The following RC3H1 variants were observed in gnomAD, a reference collection of about 807,000 sequenced individuals.
RC3H1 encodes ring finger and CCCH-type domains 1, also known as roquin-1.
Under a neutral mutation model 138.2 loss-of-function variants are expected in RC3H1, and 50 were observed. The ratio of observed to expected loss-of-function variants is 0.36; its 90% CI spans 0.29 to 0.46. The LOEUF is 0.46. Among genes scored for constraint, RC3H1 ranks in the 20% least tolerant of loss-of-function variants. The probability of loss-of-function intolerance (pLI) is 1.00; values close to 1 mark genes in which losing one functional copy is unlikely to be tolerated. For missense variants in RC3H1, 1,031 were observed against 1,388.1 expected (o/e 0.74, Z 4.09); for synonymous variants, 462 against 489.1 (o/e 0.94, Z 0.73).
At chr1:173,943,727 G>A (rs1659013369) in intron 17 of RC3H1, 112 bp from the exon 18 acceptor site, 3 of 1,048,548 alleles carry the variant, frequency 2.9e-6, no homozygotes, top group Non-Finnish European at 3.9e-6. Flanking sequence ...CCAGCCATTT[G>A]CAACAAAATA....
At chr1:173,979,462 A>G (rs1421532434) in intron 6 of RC3H1, among the ~76,000 whole-genome samples, 1 of 152,186 alleles carries the variant, frequency 6.6e-6, no homozygotes, top group Non-Finnish European at 1.5e-5. Flanking sequence ...CCTGGCCAAC[A>G]TGGTGAAACC....
At chr1:173,958,460 C>T (rs1323915747) in intron 13 of RC3H1, among the ~76,000 whole-genome samples, 42 of 151,854 alleles carry the variant, frequency 2.8e-4, no homozygotes, top group Admixed American at 2.8e-3. Flanking sequence ...GCAGGAGAAT[C>T]GCTTGAACCC....
chr1:173,978,535 C>A lies in RC3H1; in HGVS notation c.1055G>T (p.Arg352Leu), dbSNP rs879054455. ...QRTGDPANLN[R>L]LRPHLELLAN... ...TAACAGCTCCAAATGGGGTCTTAGT[C>A]GGTTCAAGTTTGCTGGGTCTCCAGT... The change falls in exon 7 of 20, where the codon CGA (arginine) becomes CTA (leucine). Residue 352 changes from arginine (R) to leucine (L), a missense_variant. Arg to Leu is a moderately radical substitution (Grantham distance 102). Transcript: ENST00000367696. 1 of 1,614,056 alleles carries A rather than the reference C, an allele frequency of 6.2e-7. No individual in the cohort carries two copies. Among genetic ancestry groups the A allele is most frequent in the South Asian group, 1.1e-5 (1 of 91,070 alleles).
chr1:173,960,594 G>A lies in RC3H1; in HGVS notation c.2370+483C>T, dbSNP rs912830149. On this transcript the variant is annotated intron_variant, in intron 13 of 19. Transcript: ENST00000367696. ...CTGGACAGCACAGATTTACAGATCT[G>A]ATGTAATCCTAATCAAAATTGAAGC... Among the ~76,000 whole-genome samples, 102 of 152,282 alleles carry A rather than the reference G, an allele frequency of 6.7e-4. 1 individual carries two copies. Among genetic ancestry groups the A allele is most frequent in the African/African-American group, 2.2e-3 (93 of 41,570 alleles).
At chr1:174,011,465 G>C (rs549357585) in intron 1 of RC3H1, among the ~76,000 whole-genome samples, 2 of 151,094 alleles carry the variant, frequency 1.3e-5, no homozygotes, top group East Asian at 3.9e-4. Context: ...TACAGGGAAA[G>C]CATTTCTAAA....
At chr1:173,962,192 T>C (rs542863494) in intron 11 of RC3H1, 97 bp from the exon 12 acceptor site, 1 of 1,140,496 alleles carries the variant, frequency 8.8e-7, no homozygotes, top group Non-Finnish European at 1.2e-6. Flanking sequence ...ACTAAAGTAT[T>C]GATAATCTAC....
intron 1 of RC3H1, among the ~76,000 whole-genome samples, chr1:174,012,640 C>T (rs1057072847): frequency 1.3e-5 from 2 of 151,704 alleles, no homozygotes; most frequent in East Asian, 3.9e-4. Context: ...AAAAATTAGC[C>T]GGGTGTGGTG....
intron 18 of RC3H1, among the ~76,000 whole-genome samples, chr1:173,942,446 AAAAAG>A (rs1658924675): frequency 1.3e-5 from 2 of 149,596 alleles, no homozygotes; most frequent in Admixed American, 6.6e-5. Context: ...AAAAAAAAAA[AAAAAG>A]AAAAGAAAAC....
At chr1:173,947,661 G>A in intron 14 of RC3H1, 79 bp from the exon 15 acceptor site, 1 of 1,057,640 alleles carries the variant, frequency 9.5e-7, no homozygotes, top group Non-Finnish European at 1.4e-6. Context: ...CTGTAATAAG[G>A]TTAAAGAAGA....
Position 173,978,608 on chromosome 1 carries a change from C to A in RC3H1, c.982G>T (p.Ala328Ser). The A allele has an allele frequency of 1.2e-6, 2 of 1,611,042 alleles. No individual in the cohort carries two copies. The highest frequency in any genetic ancestry group is 1.7e-6 in the Non-Finnish European group (2 of 1,178,806). ...TCCTGAACACTCTGTGCAAAAGAGG[C>A]TGGAGTCTGCAACTTAAAAAAGATA... ...QSIIDKLQTP[A>S]SFAQSVQELT... The change falls in exon 7 of 20, where the codon GCC becomes TCC. Residue 328 changes from alanine to serine, a missense_variant. Transcript: ENST00000367696.
Position 174,022,323 on chromosome 1 carries a change from C to A in RC3H1, c.-378G>T. 1 of 380,794 alleles carries A rather than the reference C, an allele frequency of 2.6e-6. No individual in the cohort carries two copies. Among genetic ancestry groups the A allele is most frequent in the South Asian group, 1.4e-4 (1 of 7,288 alleles). The allele number at this position is 380,794 out of a possible 1,614,324, so 23.6% of individuals were successfully genotyped here. On this transcript the variant is annotated 5_prime_UTR_variant, in exon 1 of 20. Coordinates refer to ENST00000367696, the MANE Select transcript of RC3H1 (RefSeq NM_172071.4). The surrounding 1 kb of genome is among the most constrained non-coding windows in gnomAD (Gnocchi z 4.2). ...TCTTGTTGCTCGGCCTCCTCTTCCTCCTCCTCGTCCTCCGCCGCCCAGTCG... is the reference window on the plus strand; with the variant it reads ...TCTTGTTGCTCGGCCTCCTCTTCCTACTCCTCGTCCTCCGCCGCCCAGTCG...
intron 18 of RC3H1, 110 bp from the exon 19 acceptor site, chr1:173,941,490 T>C: frequency 3.0e-6 from 2 of 676,752 alleles, no homozygotes; most frequent in Non-Finnish European, 5.1e-6. Context: ...TATTCAATTT[T>C]GTAAAATAAC....
intron 6 of RC3H1, among the ~76,000 whole-genome samples, chr1:173,979,754 A>G (rs758862364): frequency 6.6e-5 from 10 of 152,258 alleles, no homozygotes; most frequent in Non-Finnish European, 1.3e-4. Flanking sequence ...TCCGTAAATT[A>G]TAAATGAGTT....
At chr1:174,017,154 T>C (rs1355818807) in intron 1 of RC3H1, among the ~76,000 whole-genome samples, 1 of 152,238 alleles carries the variant, frequency 6.6e-6, no homozygotes, top group African/African-American at 2.4e-5. Context: ...AAATAAATCC[T>C]TTGTGAATAT....
intron 9 of RC3H1, chr1:173,969,339 C>T (rs1281100993): frequency 1.3e-5 from 2 of 149,982 alleles, no homozygotes; most frequent in Admixed American, 6.6e-5. Context: ...CCCAATATTC[C>T]CAGGTAGTCT....
At position 173,943,551 on chromosome 1, in the gene RC3H1, G is replaced by A; in HGVS notation, c.3026C>T (p.Pro1009Leu). Reference sequence around the variant, plus strand: ...AGGCCATTTTGGAGGTGGCGGTGGTGGGGGCTGTGACTGGCCTGCCAGGGT... The same window carrying A: ...AGGCCATTTTGGAGGTGGCGGTGGTAGGGGCTGTGACTGGCCTGCCAGGGT... Reference protein sequence around the residue: ...ANTLAGQSQPPPPPPPKWPGM... With the variant: ...ANTLAGQSQPLPPPPPKWPGM... Residue 1009 changes from proline to leucine, a missense_variant, in exon 18 of 20, where the codon CCA (proline) becomes CTA (leucine). Around this residue, in one of 7 missense-constraint regions of RC3H1, gnomAD observed 716 missense variants for 837.9 expected, o/e 0.85. Transcript: ENST00000367696. The A allele has an allele frequency of 6.2e-7, 1 of 1,614,088 alleles. No homozygotes were observed. The highest frequency in any genetic ancestry group is 1.1e-5 in the South Asian group (1 of 91,070).
chr1:173,971,506 T>C (rs1660359994), intron 8 of RC3H1, among the ~76,000 whole-genome samples: 1 of 152,194 alleles, frequency 6.6e-6, no homozygotes, highest in Non-Finnish European at 1.5e-5. Flanking sequence ...ATGACACTTA[T>C]TATTTATAAC....
chr1:173,972,468 T>C (rs764897163), intron 8 of RC3H1, 41 bp downstream of exon 8: 2 of 1,393,272 alleles, frequency 1.4e-6, no homozygotes, highest in Admixed American at 3.4e-5. Flanking sequence ...TTAAGGCATA[T>C]CCACAGTGGG....
chr1:174,006,413 C>T (rs992974337), intron 1 of RC3H1, among the ~76,000 whole-genome samples: 2 of 152,040 alleles, frequency 1.3e-5, no homozygotes, highest in Non-Finnish European at 2.9e-5. Flanking sequence ...TTCCAACAAC[C>T]TTCTGACATA....
Sources: gnomAD v4.1 joint callset for allele counts (sites outside exome capture counted in the v4.1 genomes callset) on GRCh38, gnomAD v4.1.1 for gene constraint, gnomAD v4.1.1 regional missense constraint, Gnocchi (gnomAD v3.1) non-coding constraint, MANE v1.5 for transcripts, NCBI Gene and HGNC (gene_info 2026-07-23, HGNC 2026-07-21) for gene names.